The following CRTAC1 variants were observed in gnomAD, a reference collection of about 807,000 sequenced individuals.
The protein encoded by CRTAC1 is cartilage acidic protein 1.
In CRTAC1, 37 loss-of-function variants were observed where a neutral mutation model predicts 67.8. That is an observed-to-expected ratio of 0.55 (90% CI 0.42 to 0.72). The LOEUF is 0.72. Ranked by LOEUF, CRTAC1 falls within the 30% of genes least tolerant of loss-of-function variation. CRTAC1 has a pLI of 0.00. For missense variants in CRTAC1, 780 were observed against 931.6 expected, an observed-to-expected ratio of 0.84 and a Z score of 2.12; for synonymous variants, 348 against 371.0, an observed-to-expected ratio of 0.94 and a Z score of 0.71.
At chr10:97,908,168 C>T in intron 5 of CRTAC1, 21 bp from the exon 6 acceptor site, 1 of 1,612,936 alleles carries the variant, frequency 6.2e-7, no homozygotes, top group Non-Finnish European at 8.5e-7. Flanking sequence ...CATCGACCCA[C>T]AGTGAGTGGC....
At chr10:97,901,960 G>A (rs1162624535) in intron 7 of CRTAC1, among the ~76,000 whole-genome samples, 2 of 152,288 alleles carry the variant, frequency 1.3e-5, no homozygotes, top group East Asian at 1.9e-4. Flanking sequence ...CCCATTTGAC[G>A]GGTGAGGTAA....
intron 2 of CRTAC1, among the ~76,000 whole-genome samples, chr10:97,945,141 T>C (rs2051243983): frequency 6.6e-6 from 1 of 152,196 alleles, no homozygotes; most frequent in Admixed American, 6.5e-5. Context: ...GGAAAAAGGA[T>C]TATTCATAAA....
At position 97,961,437 on chromosome 10, in the gene CRTAC1, T is replaced by A. The variant is rs113588877; in HGVS notation, c.225-25071A>T. ...CATTATCCTATTCTGTCTACTTTTGTATATGTTTAAAACTTTTTAATATAA... is the reference window on the plus strand; with the variant it reads ...CATTATCCTATTCTGTCTACTTTTGAATATGTTTAAAACTTTTTAATATAA... On this transcript the variant is annotated intron_variant, in intron 2 of 14. Coordinates refer to ENST00000370597, the MANE Select transcript of CRTAC1 (RefSeq NM_018058.7). Among the ~76,000 whole-genome samples the A allele has an allele frequency of 2.1e-3, 327 of 152,370 alleles. 3 individuals are homozygous for A. The highest frequency in any genetic ancestry group is 7.2e-3 in the African/African-American group (298 of 41,588).
chr10:97,959,769 T>C lies in CRTAC1; in HGVS notation c.225-23403A>G, dbSNP rs138553564. ...TGTAAGCCCCTAATAAAACCCCATG[T>C]CTCATTTGCTGGCTCTAGATCTCTT... On this transcript the variant is annotated intron_variant, in intron 2 of 14. Transcript: ENST00000370597. Among the ~76,000 whole-genome samples the C allele has an allele frequency of 2.0e-3, 300 of 152,304 alleles. 1 individual carries two copies. Among genetic ancestry groups the C allele is most frequent in the African/African-American group, 6.4e-3 (267 of 41,564 alleles).
chr10:97,982,059 CT>C (rs564159471), intron 2 of CRTAC1, among the ~76,000 whole-genome samples: 172 of 152,304 alleles, frequency 1.1e-3, no homozygotes, highest in African/African-American at 3.8e-3. Context: ...TACACTTAGC[CT>C]CATAAATGGC....
In CRTAC1 at chr10:98,002,771, T is replaced by G. The variant is rs930735966; in HGVS notation, c.224+8367A>C. Among the ~76,000 whole-genome samples the G allele has an allele frequency of 3.4e-4, 32 of 93,664 alleles. 1 individual carries two copies. The highest frequency in any genetic ancestry group is 1.1e-3 in the African/African-American group (21 of 19,118). 61.4% of individuals were successfully genotyped at this position (93,664 alleles called of 152,430 possible). ...TCTTTACAAAACTCACTTTTTTTTT[T>G]TTTTTTTTTTTTTTTTTTTTTTTTT... On this transcript the variant is annotated intron_variant, in intron 2 of 14. Transcript: ENST00000370597.
intron 6 of CRTAC1, among the ~76,000 whole-genome samples, chr10:97,905,421 A>G (rs564186342): frequency 2.2e-4 from 34 of 151,974 alleles, no homozygotes; most frequent in Admixed American, 5.2e-4. Flanking sequence ...CTCAGCCACA[A>G]TGTCACTTCC....
intron 2 of CRTAC1, among the ~76,000 whole-genome samples, chr10:97,941,558 ACC>A (rs1057503267): frequency 6.6e-6 from 1 of 151,416 alleles, no homozygotes; most frequent in African/African-American, 2.4e-5. Flanking sequence ...TGACCACTCC[ACC>A]CCTCCCTCCC....
chr10:98,020,444 A>G (rs1323123730), intron 1 of CRTAC1, among the ~76,000 whole-genome samples: 1 of 152,276 alleles, frequency 6.6e-6, no homozygotes. Context: ...TAAGGCACAG[A>G]GAGGGTAAGT....
At chr10:97,884,525 C>T in intron 11 of CRTAC1, 174 bp from the exon 12 acceptor site, 1 of 635,436 alleles carries the variant, frequency 1.6e-6, no homozygotes, top group East Asian at 2.8e-5. Context: ...TGGAGCAATG[C>T]TGTCCAATAG....
rs76469389 is a variant in CRTAC1, at chr10:97,940,348, A to G, written c.225-3982T>C. Among the ~76,000 whole-genome samples, 268 of 152,338 alleles carry G rather than the reference A, an allele frequency of 1.8e-3. 1 individual carries two copies. Among genetic ancestry groups the G allele is most frequent in the African/African-American group, 6.2e-3 (259 of 41,578 alleles). On this transcript the variant is annotated intron_variant, in intron 2 of 14. Transcript: ENST00000370597. ...GGCTTACACACTTTCTCTCTCTGAC[A>G]CCTGTCAGATTTCTGAGCACTTCTA... is the stretch of plus-strand genomic sequence containing the variant.
At chr10:97,891,760 C>G (rs1390032175) in intron 11 of CRTAC1, among the ~76,000 whole-genome samples, 1 of 152,220 alleles carries the variant, frequency 6.6e-6, no homozygotes, top group Non-Finnish European at 1.5e-5. Context: ...CCATTGCTGG[C>G]TCCCCCATCG....
At chr10:97,916,182 T>A (rs2050756722) in intron 5 of CRTAC1, among the ~76,000 whole-genome samples, 1 of 145,742 alleles carries the variant, frequency 6.9e-6, no homozygotes, top group Non-Finnish European at 1.5e-5. Context: ...CCTTGCAAGA[T>A]CAAGGCACTT....
intron 3 of CRTAC1, among the ~76,000 whole-genome samples, chr10:97,926,715 T>C (rs1464577407): frequency 6.6e-6 from 1 of 152,210 alleles, no homozygotes; most frequent in African/African-American, 2.4e-5. Context: ...TTGCTATCAA[T>C]TGAATTTCCC....
chr10:97,983,503 C>T (rs1031519859), intron 2 of CRTAC1, among the ~76,000 whole-genome samples: 1 of 148,318 alleles, frequency 6.7e-6, no homozygotes, highest in Non-Finnish European at 1.5e-5. Context: ...TCTCCTCTCC[C>T]TCCCCTCATT....
chr10:97,916,695 C>T (rs2050763854), intron 5 of CRTAC1, among the ~76,000 whole-genome samples: 1 of 152,200 alleles, frequency 6.6e-6, no homozygotes, highest in African/African-American at 2.4e-5. Context: ...ACAAGAGGAT[C>T]TCTCTGTCCC....
At chr10:97,907,634 G>C (rs1029581928) in intron 6 of CRTAC1, among the ~76,000 whole-genome samples, 2 of 152,146 alleles carry the variant, frequency 1.3e-5, no homozygotes, top group African/African-American at 4.8e-5. Flanking sequence ...CTCCATGAAT[G>C]CTCACTGTAT....
chr10:98,011,138 C>T lies in CRTAC1; in HGVS notation c.224G>A (p.Gly75Glu), dbSNP rs750278081. 1.2e-6 allele frequency: 2 copies of T among 1,613,866 alleles called. No homozygotes were observed. Among genetic ancestry groups the T allele is most frequent in the East Asian group, 4.5e-5 (2 of 44,868 alleles). The stretch of plus-strand genomic sequence containing the variant: ...CACACTGAGGGTGGGAGGCACTTAC[C>T]CCGCCACGACGATCTCAAAGTCCCC... Reference protein sequence around the residue: ...HDGDFEIVVAGYNGPNLVLKY... With the variant: ...HDGDFEIVVAEYNGPNLVLKY... Residue 75 changes from glycine (G) to glutamate (E), a missense_variant and splice_region_variant, in exon 2 of 15, where the codon GGG becomes GAG. Physicochemically the swap from Gly to Glu is moderately conservative, Grantham distance 98. Coordinates refer to ENST00000370597, the MANE Select transcript of CRTAC1 (RefSeq NM_018058.7).
In CRTAC1 at chr10:97,865,709, G is replaced by C; in HGVS notation, c.1825C>G (p.Leu609Val). ...GGGCGGGGGCCCGGTGACTGGCCGA[G>C]AGTCCCTGTAGGGAGGTGTATGGCC... ...NEDGTACVGT[L>V]GQSPGPRPTT... Residue 609 changes from leucine (L) to valine (V), a missense_variant, in exon 15 of 15, where the codon CTC becomes GTC. Coordinates refer to ENST00000370597, the MANE Select transcript of CRTAC1 (RefSeq NM_018058.7). 5.6e-6 allele frequency: 9 copies of C among 1,602,466 alleles called. No individual in the cohort carries two copies. The highest frequency in any genetic ancestry group is 7.7e-6 in the Non-Finnish European group (9 of 1,174,788).
Sources: allele counts gnomAD v4.1 joint callset (sites outside exome capture counted in the v4.1 genomes callset), GRCh38; gene constraint gnomAD v4.1.1; transcripts MANE v1.5; gene names NCBI Gene and HGNC (gene_info 2026-07-23, HGNC 2026-07-21).